The following AFF1 variants were observed in gnomAD, a reference collection of about 807,000 sequenced individuals.
AFF1 encodes the protein AF4/FMR2 family member 1.
In AFF1, 48 loss-of-function variants were observed where a neutral mutation model predicts 121.7. The ratio of observed to expected loss-of-function variants is 0.39; its 90% CI spans 0.31 to 0.50. The LOEUF (loss-of-function observed/expected upper bound fraction) is 0.50, where lower values mean the gene tolerates loss of function less well. Among genes scored for constraint, AFF1 ranks in the 20% least tolerant of loss-of-function variants. The pLI, the probability that AFF1 is intolerant of heterozygous loss-of-function variation, is 0.76. For missense variants in AFF1, 1,523 were observed against 1,511.7 expected, an observed-to-expected ratio of 1.01 and a Z score of -0.12; for synonymous variants, 613 against 563.0, an observed-to-expected ratio of 1.09 and a Z score of -1.26.
intron 2 of AFF1, among the ~76,000 whole-genome samples, chr4:86,995,153 A>C (rs1253020850): frequency 6.6e-6 from 1 of 152,124 alleles, no homozygotes; most frequent in Non-Finnish European, 1.5e-5. Flanking sequence ...GGATTGCTTG[A>C]GCCCTGGAGA....
At chr4:87,038,747 C>T (rs1416953685) in intron 2 of AFF1, among the ~76,000 whole-genome samples, 1 of 152,192 alleles carries the variant, frequency 6.6e-6, no homozygotes, top group Non-Finnish European at 1.5e-5. Flanking sequence ...AGACTTAATC[C>T]TTTCCAGAGT....
At chr4:87,031,022 G>C (rs1013517390) in intron 2 of AFF1, among the ~76,000 whole-genome samples, 1 of 152,054 alleles carries the variant, frequency 6.6e-6, no homozygotes, top group Non-Finnish European at 1.5e-5. Flanking sequence ...ATTTGAGATC[G>C]TTGTTTCAGG....
Position 86,945,547 on chromosome 4 carries a change from G to A in AFF1, c.-36-2951G>A, listed in dbSNP as rs145313560. On this transcript the variant is annotated intron_variant, in intron 1 of 20. Transcript: ENST00000395146. ...AGACAGGGTCTCTGTTACCCAGGCT[G>A]CAGTGCAGTGGCACAGATCACAGTT... Among the ~76,000 whole-genome samples the A allele has an allele frequency of 4.4e-4, 58 of 132,022 alleles. 1 individual carries two copies. The highest frequency in any genetic ancestry group is 1.6e-3 in the African/African-American group (55 of 34,518). The allele number at this position is 132,022 out of a possible 152,430, so 86.6% of individuals were successfully genotyped here.
chr4:87,099,238 C>CTTAG (rs1553931881), intron 8 of AFF1, among the ~76,000 whole-genome samples: 3 of 152,166 alleles, frequency 2.0e-5, no homozygotes, highest in Non-Finnish European at 4.4e-5. Flanking sequence ...ATGTGTAAAG[C>CTTAG]TTAGAACTTG....
In AFF1 at chr4:87,138,837, TA is replaced by T. The variant is rs1313836007; in HGVS notation, c.*3137del. 8.7e-6 allele frequency: 2 copies of T among 228,748 alleles called. No homozygotes were observed. The highest frequency in any genetic ancestry group is 4.4e-5 in the African/African-American group (2 of 45,090). 14.2% of individuals were successfully genotyped at this position (228,748 alleles called of 1,614,324 possible). ...ATATTTTGTAACAAAAAGACCTTCA[TA>T]TTATCTGTTTTGACCAAAATATGTA... On this transcript the variant is annotated 3_prime_UTR_variant, in exon 21 of 21. Transcript: ENST00000395146.
intron 4 of AFF1, among the ~76,000 whole-genome samples, chr4:87,080,738 G>A (rs1170340760): frequency 6.6e-6 from 1 of 152,222 alleles, no homozygotes; most frequent in Non-Finnish European, 1.5e-5. Context: ...CCAGTGGCAT[G>A]CTTGGAGGTG....
intron 2 of AFF1, among the ~76,000 whole-genome samples, chr4:87,040,778 G>A (rs1046500743): frequency 2.0e-5 from 3 of 150,192 alleles, no homozygotes; most frequent in Non-Finnish European, 4.4e-5. Flanking sequence ...TCACTATGTT[G>A]GCCAGGCTGG....
At chr4:87,069,510 T>C (rs1019206886) in intron 4 of AFF1, among the ~76,000 whole-genome samples, 1 of 122,162 alleles carries the variant, frequency 8.2e-6, no homozygotes, top group African/African-American at 4.5e-5. Flanking sequence ...CCATCTTTTC[T>C]CTCCTCTCCC....
chr4:86,985,202 TATATATATATATAA>T (rs1724134700), intron 2 of AFF1, among the ~76,000 whole-genome samples: 1 of 120,270 alleles, frequency 8.3e-6, no homozygotes. Flanking sequence ...TATATATATA[TATATATATATATAA>T]AATTATATTT....
Position 87,139,370 on chromosome 4 carries a change from T to C in AFF1, c.*3669T>C. On this transcript the variant is annotated 3_prime_UTR_variant, in exon 21 of 21. Coordinates refer to ENST00000395146, the MANE Select transcript of AFF1 (RefSeq NM_001166693.3). ...TTTTGTTTTGTTTTGTTTTGTTTTG[T>C]TTTCTTGTACTTAAACCTGCTTGCT... is the stretch of plus-strand genomic sequence containing the variant. The C allele has an allele frequency of 8.6e-6, 2 of 233,336 alleles. No individual in the cohort carries two copies. Among genetic ancestry groups the C allele is most frequent in the Non-Finnish European group, 1.7e-5 (2 of 117,918 alleles). 14.5% of individuals were successfully genotyped at this position (233,336 alleles called of 1,614,324 possible). A position where few individuals can be genotyped will look rare whatever the true frequency, so the allele number is the denominator to read the frequency against.
chr4:87,083,345 T>G (rs982696922), intron 4 of AFF1, among the ~76,000 whole-genome samples: 1 of 152,226 alleles, frequency 6.6e-6, no homozygotes, highest in East Asian at 1.9e-4. Flanking sequence ...GAAAAAAACT[T>G]TGTGTGCGTC....
chr4:87,108,824 AAAGTG>A (rs1726185984), intron 11 of AFF1, among the ~76,000 whole-genome samples: 1 of 152,214 alleles, frequency 6.6e-6, no homozygotes, highest in Non-Finnish European at 1.5e-5. Flanking sequence ...AATTGATGGC[AAAGTG>A]ATTTTGTCAG....
intron 11 of AFF1, among the ~76,000 whole-genome samples, chr4:87,112,949 T>C (rs1267068890): frequency 6.6e-6 from 1 of 152,252 alleles, no homozygotes; most frequent in Non-Finnish European, 1.5e-5. Context: ...CTATATGATA[T>C]GAAATTCATG....
intron 2 of AFF1, among the ~76,000 whole-genome samples, chr4:86,995,596 A>T (rs1725087144): frequency 3.3e-5 from 5 of 151,436 alleles, no homozygotes; most frequent in Admixed American, 3.3e-4. Context: ...TTGCAGACGG[A>T]GTCTCCTTCA....
chr4:86,996,113 C>T (rs1365321625), intron 2 of AFF1, among the ~76,000 whole-genome samples: 2 of 151,308 alleles, frequency 1.3e-5, no homozygotes, highest in Non-Finnish European at 3.0e-5. Context: ...GGGGGTCAGG[C>T]CCCCGCCCGG....
At chr4:86,994,078 CA>C (rs1373434211) in intron 2 of AFF1, among the ~76,000 whole-genome samples, 1 of 152,264 alleles carries the variant, frequency 6.6e-6, no homozygotes, top group Admixed American at 6.5e-5. Context: ...TGCTGCTCTG[CA>C]GCCTTACTTT....
At chr4:87,050,635 T>C (rs190300436) in intron 4 of AFF1, among the ~76,000 whole-genome samples, 20 of 152,222 alleles carry the variant, frequency 1.3e-4, no homozygotes, top group African/African-American at 4.1e-4. Context: ...AGGGAAAAAA[T>C]TATCAAAAGG....
intron 2 of AFF1, among the ~76,000 whole-genome samples, chr4:86,958,711 C>T (rs946682363): frequency 6.6e-6 from 1 of 151,904 alleles, no homozygotes; most frequent in Admixed American, 6.6e-5. Flanking sequence ...GAGTAAGACT[C>T]TCTCAAAAAA....
At position 87,127,701 on chromosome 4, in the gene AFF1, A is replaced by T. The variant is rs777133222; in HGVS notation, c.2962A>T (p.Met988Leu). 1 of 1,614,198 alleles carries T rather than the reference A, an allele frequency of 6.2e-7. No individual in the cohort carries two copies. Among genetic ancestry groups the T allele is most frequent in the Admixed American group, 1.7e-5 (1 of 60,028 alleles). ...AKKMKQKAELMTDRVGKAFKY... is the reference protein window; with the variant it reads ...AKKMKQKAELLTDRVGKAFKY... ...AAAGATGAAGCAGAAAGCAGAGTTA[A>T]TGGTTAGTATTGGCCCTTTATCTCT... Residue 988 changes from methionine to leucine, a missense_variant and splice_region_variant, in exon 16 of 21, where the codon ATG becomes TTG. Physicochemically the swap from Met to Leu is conservative, Grantham distance 15. Coordinates refer to ENST00000395146, the MANE Select transcript of AFF1 (RefSeq NM_001166693.3).
Sources: allele counts gnomAD v4.1 joint callset (sites outside exome capture counted in the v4.1 genomes callset), GRCh38; gene constraint gnomAD v4.1.1; transcripts MANE v1.5; gene names NCBI Gene and HGNC (gene_info 2026-07-23, HGNC 2026-07-21).